The following FCRL4 variants were observed in gnomAD, a reference collection of about 807,000 sequenced individuals.
The protein encoded by FCRL4 is Fc receptor-like protein 4.
A neutral mutation model predicts 64.1 loss-of-function variants in FCRL4; 43 were observed. That is an observed-to-expected ratio of 0.67 (90% CI 0.53 to 0.87). The LOEUF (loss-of-function observed/expected upper bound fraction) is 0.87. Ranked by LOEUF, FCRL4 falls within the 40% of genes least tolerant of loss-of-function variation. The probability of loss-of-function intolerance (pLI) is 0.00; values close to 1 mark genes in which losing one functional copy is unlikely to be tolerated. For missense variants in FCRL4, 656 were observed against 613.5 expected (o/e 1.07, Z -0.73); for synonymous variants, 253 against 239.8 (o/e 1.05, Z -0.51).
intron 2 of FCRL4, among the ~76,000 whole-genome samples, chr1:157,589,953 G>A (rs770852872): frequency 9.9e-5 from 15 of 152,166 alleles, no homozygotes; most frequent in Non-Finnish European, 1.9e-4. Context: ...AAGTCTAAAA[G>A]CAAGGCACAA....
In FCRL4 at chr1:157,586,149, A is replaced by G. The variant is rs771293924; in HGVS notation, c.1135+19T>C. 1 of 1,592,082 alleles carries G rather than the reference A, an allele frequency of 6.3e-7. No homozygotes were observed. The highest frequency in any genetic ancestry group is 8.6e-7 in the Non-Finnish European group (1 of 1,164,870). On this transcript the variant is annotated intron_variant, in intron 6 of 11. Coordinates refer to ENST00000271532, the MANE Select transcript of FCRL4 (RefSeq NM_031282.3). ...AAGTTTGCTGAGAATAAATAAGGTC[A>G]ATAGAGATTAAAACTCACCTCTCAC...
In FCRL4 at chr1:157,596,348, G is replaced by A. The variant is rs756717943; in HGVS notation, c.32C>T (p.Ala11Val). Residue 11 changes from alanine (A) to valine (V), a missense_variant and splice_region_variant, in exon 2 of 12, where the codon GCT becomes GTT. By Grantham distance (64) the Ala-to-Val change is moderately conservative. Coordinates refer to ENST00000271532, the MANE Select transcript of FCRL4 (RefSeq NM_031282.3). Reference protein sequence around the residue: MLLWASLLAFAPVCGQSAAAH... With the variant: MLLWASLLAFVPVCGQSAAAH... Reference sequence around the variant, plus strand: ...CTTACCAGATTGTCCACAGACTGGAGCTGAAAGAGAGTAAAGAGCCAGCCA... The same window carrying A: ...CTTACCAGATTGTCCACAGACTGGAACTGAAAGAGAGTAAAGAGCCAGCCA... The A allele has an allele frequency of 1.7e-5, 28 of 1,613,878 alleles. No individual in the cohort carries two copies. Among genetic ancestry groups the A allele is most frequent in the Non-Finnish European group, 2.3e-5 (27 of 1,179,942 alleles).
At chr1:157,596,264 T>G in intron 2 of FCRL4, 64 bp downstream of exon 2, 46 of 1,531,768 alleles carry the variant, frequency 3.0e-5, no homozygotes, top group Non-Finnish European at 3.6e-5. Flanking sequence ...TGTAAGTATT[T>G]GAGATAAAAT....
intron 2 of FCRL4, among the ~76,000 whole-genome samples, chr1:157,593,658 T>G (rs1652888759): frequency 6.6e-6 from 1 of 152,244 alleles, no homozygotes; most frequent in Admixed American, 6.5e-5. Flanking sequence ...CATCATATTC[T>G]GGCTTATTGT....
chr1:157,589,288 G>C lies in FCRL4; in HGVS notation c.223C>G (p.Leu75Val), dbSNP rs1371169166. 2 of 1,614,058 alleles carry C rather than the reference G, an allele frequency of 1.2e-6. No homozygotes were observed. The highest frequency in any genetic ancestry group is 2.7e-5 in the African/African-American group (2 of 74,934). ...TACAGTCCAGATTCCCGAACCTCGA[G>C]GGTGTTTCCTGGGGTCAGGGTCAAC... is the stretch of plus-strand genomic sequence containing the variant. ...EKLTLTPGNT[L>V]EVRESGLYRC... The change falls in exon 3 of 12, where the codon CTC (leucine) becomes GTC (valine). Residue 75 changes from leucine to valine, a missense_variant. Physicochemically the swap from Leu to Val is conservative, Grantham distance 32 (BLOSUM62 1). Transcript: ENST00000271532.
At chr1:157,580,389 A>C (rs1652534061) in intron 7 of FCRL4, 41 bp from the exon 8 acceptor site, 1 of 1,612,968 alleles carries the variant, frequency 6.2e-7, no homozygotes, top group African/African-American at 1.3e-5. Flanking sequence ...CAGCAGAGGG[A>C]GCTCTTTCTC....
rs773812050 is a variant in FCRL4, at chr1:157,589,232, A to G, written c.279T>C (p.Ser93=). ...YRCQARGSPR[S]NPVRLLFSSD... ...AAGAAAAGAGCAAGCGCACAGGGTTACTTCGTGGGGAGCCCCGGGCCTGGC... is the reference window on the plus strand; with the variant it reads ...AAGAAAAGAGCAAGCGCACAGGGTTGCTTCGTGGGGAGCCCCGGGCCTGGC... Residue 93 remains serine, a synonymous_variant, in exon 3 of 12, where the codon AGT becomes AGC. Transcript: ENST00000271532. 2.5e-6 allele frequency: 4 copies of G among 1,614,076 alleles called. No homozygotes were observed. The highest frequency in any genetic ancestry group is 1.3e-5 in the African/African-American group (1 of 74,944).
rs1188172909 is a variant in FCRL4 at position 157,588,063 on chromosome 1, T to C, written c.364A>G (p.Arg122Gly). Residue 122 changes from arginine (R) to glycine (G), a missense_variant, in exon 4 of 12, where the codon AGA (arginine) becomes GGA (glycine). By Grantham distance (125) the Arg-to-Gly change is moderately radical. Transcript: ENST00000271532. ...SVFEGDTLVL[R>G]CHRRRKEKLT... ...TTCTCTTTCCTTCTTCTGTGGCATCTCAGAACCAATGTGTCACCTTCAAAC... is the reference window on the plus strand; with the variant it reads ...TTCTCTTTCCTTCTTCTGTGGCATCCCAGAACCAATGTGTCACCTTCAAAC... 6.2e-7 allele frequency: 1 copy of C among 1,613,614 alleles called. No individual in the cohort carries two copies. The highest frequency in any genetic ancestry group is 1.3e-5 in the African/African-American group (1 of 74,930).
At chr1:157,593,592 A>G (rs1483051925) in intron 2 of FCRL4, among the ~76,000 whole-genome samples, 1 of 152,076 alleles carries the variant, frequency 6.6e-6, no homozygotes, top group Non-Finnish European at 1.5e-5. Flanking sequence ...TGGCTGTATG[A>G]GGGGGTGGAA....
chr1:157,584,535 TAA>T (rs879425113), intron 6 of FCRL4, among the ~76,000 whole-genome samples: 12 of 141,166 alleles, frequency 8.5e-5, no homozygotes, highest in Middle Eastern at 3.4e-3. Flanking sequence ...GACCCCATCT[TAA>T]AAAAAAAAAA....
intron 5 of FCRL4, among the ~76,000 whole-genome samples, chr1:157,586,999 TTTC>T (rs1652715426): frequency 6.6e-6 from 1 of 151,998 alleles, no homozygotes; most frequent in African/African-American, 2.4e-5. Flanking sequence ...GGCACCTCAT[TTTC>T]TTGTTTTGTT....
intron 1 of FCRL4, among the ~76,000 whole-genome samples, chr1:157,597,503 G>A (rs1375534547): frequency 6.6e-6 from 1 of 152,170 alleles, no homozygotes; most frequent in Non-Finnish European, 1.5e-5. Context: ...AGAATACAGA[G>A]AAGGAAATAA....
In FCRL4 at chr1:157,589,974, A is replaced by T. The variant is rs541917655; in HGVS notation, c.53-516T>A. On this transcript the variant is annotated intron_variant, in intron 2 of 11. Transcript: ENST00000271532. The stretch of plus-strand genomic sequence containing the variant: ...AAAAGCAAGGCACAAGTTTTCCTTT[A>T]TAAGTAAAAAAGGAAGTTTTCCCTT... Among the ~76,000 whole-genome samples, 3 of 152,368 alleles carry T rather than the reference A, an allele frequency of 2.0e-5. No individual in the cohort carries two copies. In the East Asian group the frequency reaches 5.8e-4, roughly 29 times the overall value.
chr1:157,580,586 C>T (rs1342278353), intron 7 of FCRL4: 2 of 508,318 alleles, frequency 3.9e-6, no homozygotes, highest in Non-Finnish European at 3.6e-6. Flanking sequence ...TATTAAGACT[C>T]AAGTCTGTGT....
chr1:157,575,830 G>GTCCACCTCATCCCC (rs1354446730), intron 10 of FCRL4, 100 bp from the exon 11 acceptor site: 1 of 1,049,484 alleles, frequency 9.5e-7, no homozygotes, highest in East Asian at 2.4e-5. Context: ...ACTGGGCCCT[G>GTCCACCTCATCCCC]TCCACCTCAT....
Position 157,595,048 on chromosome 1 carries a change from G to T in FCRL4, c.52+1280C>A, listed in dbSNP as rs112852258. Reference sequence around the variant, plus strand: ...TGAGTAACTGGGATTACAGGCATGTGCCACCACAACCGGCTAATTTTTTGT... The same window carrying T: ...TGAGTAACTGGGATTACAGGCATGTTCCACCACAACCGGCTAATTTTTTGT... On this transcript the variant is annotated intron_variant, in intron 2 of 11. Transcript: ENST00000271532. Among the ~76,000 whole-genome samples the T allele has an allele frequency of 6.3e-3, 953 of 152,212 alleles. 10 individuals carry two copies. The highest frequency in any genetic ancestry group is 0.022 in the African/African-American group (913 of 41,510).
In FCRL4 at chr1:157,593,599, G is replaced by A. The variant is rs548880615; in HGVS notation, c.52+2729C>T. Among the ~76,000 whole-genome samples the A allele has an allele frequency of 2.0e-5, 3 of 152,206 alleles. No homozygotes were observed. In the South Asian group the frequency reaches 6.2e-4, roughly 32 times the overall value. ...TATCTAATTGGCTGTATGAGGGGGTGGAATTCCTTTCTGACTTTGCAGCTT... is the reference window on the plus strand; with the variant it reads ...TATCTAATTGGCTGTATGAGGGGGTAGAATTCCTTTCTGACTTTGCAGCTT... On this transcript the variant is annotated intron_variant, in intron 2 of 11. Transcript: ENST00000271532.
Position 157,598,002 on chromosome 1 carries a change from G to A in FCRL4, c.-58C>T. ...TGAGGAGACAAGCCAGGTCAGCCCA[G>A]ATTGCCAAAGCAGCACTTGCCTACA... is the stretch of plus-strand genomic sequence containing the variant. On this transcript the variant is annotated 5_prime_UTR_variant, in exon 1 of 12. Transcript: ENST00000271532. The A allele has an allele frequency of 2.8e-6, 4 of 1,425,408 alleles. No homozygotes were observed. The highest frequency in any genetic ancestry group is 4.0e-6 in the Non-Finnish European group (4 of 1,012,312). The allele number at this position is 1,425,408 out of a possible 1,614,324, so 88.3% of individuals were successfully genotyped here. A position where few individuals can be genotyped will look rare whatever the true frequency, so the allele number is the denominator to read the frequency against.
rs971475864 is a variant in FCRL4, at chr1:157,578,612, C to T, written c.1361-70G>A. 2.1e-6 allele frequency: 3 copies of T among 1,416,912 alleles called. No homozygotes were observed. The African/African-American group carries it at 4.2e-5, about 20-fold the overall frequency. The allele number at this position is 1,416,912 out of a possible 1,614,324, so 87.8% of individuals were successfully genotyped here. ...AGTGCTACAGATGCCTCTTCCTAAG[C>T]ATCATCTCCACTCTTCTTGGACACA... On this transcript the variant is annotated intron_variant, in intron 9 of 11. Coordinates refer to ENST00000271532, the MANE Select transcript of FCRL4 (RefSeq NM_031282.3).
Sources: allele counts gnomAD v4.1 joint callset (sites outside exome capture counted in the v4.1 genomes callset), GRCh38; gene constraint gnomAD v4.1.1; transcripts MANE v1.5; gene names NCBI Gene and HGNC (gene_info 2026-07-23, HGNC 2026-07-21).